Variants in POLR3F observed in about 807,000 individuals in gnomAD.
POLR3F encodes the protein RNA polymerase III subunit F, also known as DNA-directed RNA polymerase III subunit RPC6.
POLR3F carries 31 observed loss-of-function variants against 43.6 expected under a neutral mutation model. The observed-to-expected ratio is 0.71, with a 90% confidence interval of 0.53 to 0.96. POLR3F has a LOEUF of 0.96. Among genes scored for constraint, POLR3F ranks in the 40% least tolerant of loss-of-function variants. The pLI, the probability that POLR3F is intolerant of heterozygous loss-of-function variation, is 0.00. For missense variants in POLR3F, 316 were observed against 391.7 expected, an observed-to-expected ratio of 0.81 and a Z score of 1.63; for synonymous variants, 114 against 132.5, an observed-to-expected ratio of 0.86 and a Z score of 0.96.
intron 4 of POLR3F, among the ~76,000 whole-genome samples, chr20:18,473,851 C>T (rs1175946702): frequency 6.6e-6 from 1 of 152,088 alleles, no homozygotes. Context: ...GCTGACACCT[C>T]TCGTTTTTGC....
At chr20:18,477,055 A>G (rs2059784025) in intron 5 of POLR3F, among the ~76,000 whole-genome samples, 1 of 151,594 alleles carries the variant, frequency 6.6e-6, no homozygotes, top group Non-Finnish European at 1.5e-5. Context: ...CCTGGGCAAC[A>G]AAAGCGAAAC....
chr20:18,471,192 G>A (rs188964152), intron 2 of POLR3F, among the ~76,000 whole-genome samples: 5 of 152,174 alleles, frequency 3.3e-5, no homozygotes, highest in African/African-American at 9.7e-5. Context: ...TACTTCAAAA[G>A]TTAGGTTTCA....
At chr20:18,469,959 T>C (rs2059739423) in intron 2 of POLR3F, among the ~76,000 whole-genome samples, 1 of 152,188 alleles carries the variant, frequency 6.6e-6, no homozygotes, top group Admixed American at 6.5e-5. Context: ...ATGAGTCCAG[T>C]TGAATGAAGA....
In POLR3F at chr20:18,482,663, T is replaced by C. The variant is rs182335706; in HGVS notation, c.874-818T>C. On this transcript the variant is annotated intron_variant, in intron 8 of 8. Coordinates refer to ENST00000377603, the MANE Select transcript of POLR3F (RefSeq NM_006466.4). ...CCAAATATTGTAAGTGCCAACTCTA[T>C]GCTCTAGGCACTAAGGATACAAGAG... is the stretch of plus-strand genomic sequence containing the variant. Among the ~76,000 whole-genome samples the C allele has an allele frequency of 1.2e-3, 182 of 152,312 alleles. 1 individual carries two copies. Among genetic ancestry groups the C allele is most frequent in the African/African-American group, 4.3e-3 (178 of 41,572 alleles).
intron 2 of POLR3F, chr20:18,469,443 T>G (rs2059736164): frequency 6.0e-6 from 1 of 166,522 alleles, no homozygotes; most frequent in Admixed American, 6.0e-5. Context: ...CACCATCAGC[T>G]CTCTGCTCTC....
chr20:18,473,439 A>G lies in POLR3F; in HGVS notation c.297A>G (p.Ile99Met). 1 of 1,489,840 alleles carries G rather than the reference A, an allele frequency of 6.7e-7. No individual in the cohort carries two copies. Among genetic ancestry groups the G allele is most frequent in the Non-Finnish European group, 9.4e-7 (1 of 1,067,604 alleles). 92.3% of individuals were successfully genotyped at this position (1,489,840 alleles called of 1,614,324 possible). ...DNQEKLVYQI[I>M]EDAGNKGIWS... ...AAGAAAAACTAGTATATCAAATCAT[A>G]GAGGATGCAGGAAATAAAGGTAAGC... Residue 99 changes from isoleucine to methionine, a missense_variant, in exon 4 of 9, where the codon ATA (isoleucine) becomes ATG (methionine). Coordinates refer to ENST00000377603, the MANE Select transcript of POLR3F (RefSeq NM_006466.4).
At chr20:18,482,566 T>G (rs1023889613) in intron 8 of POLR3F, among the ~76,000 whole-genome samples, 1 of 152,130 alleles carries the variant, frequency 6.6e-6, no homozygotes, top group Admixed American at 6.5e-5. Context: ...AGCTTAGAAG[T>G]AACCGGGATT....
chr20:18,470,387 TG>T (rs2059743103), intron 2 of POLR3F, among the ~76,000 whole-genome samples: 1 of 152,254 alleles, frequency 6.6e-6, no homozygotes, highest in South Asian at 2.1e-4. Context: ...TTTTAGGCTT[TG>T]TGAGCCATAT....
chr20:18,481,541 C>G, intron 7 of POLR3F, 78 bp from the exon 8 acceptor site: 1 of 993,822 alleles, frequency 1.0e-6, no homozygotes, highest in Admixed American at 1.8e-5. Context: ...GCCCAGCAAC[C>G]CTTTACTGTT....
chr20:18,478,442 T>G (rs1463984766), intron 5 of POLR3F, among the ~76,000 whole-genome samples: 1 of 151,328 alleles, frequency 6.6e-6, no homozygotes, highest in Non-Finnish European at 1.5e-5. Context: ...CTTGAACTCC[T>G]AGACTTAAAG....
At chr20:18,473,308 G>A (rs3762197) in intron 3 of POLR3F, 83 bp from the exon 4 acceptor site, 8,519 of 637,476 alleles carry the variant, frequency 0.013, 454 homozygotes, top group Admixed American at 0.11. Flanking sequence ...GACCTTGTCT[G>A]CTAATTTTGT....
rs1423382944 is a variant in POLR3F at position 18,481,825 on chromosome 20, C to G, written c.873+15C>G. On this transcript the variant is annotated intron_variant, in intron 8 of 8. Coordinates refer to ENST00000377603, the MANE Select transcript of POLR3F (RefSeq NM_006466.4). ...GACTCTGCCCGGTGAGTTAAAGTGG[C>G]TTCACTTTACACTTGACTGCCCACG... is the stretch of plus-strand genomic sequence containing the variant. 6.3e-7 allele frequency: 1 copy of G among 1,577,214 alleles called. No homozygotes were observed. Among genetic ancestry groups the G allele is most frequent in the South Asian group, 1.1e-5 (1 of 89,714 alleles).
chr20:18,478,376 C>T (rs2059791429), intron 5 of POLR3F, among the ~76,000 whole-genome samples: 1 of 152,046 alleles, frequency 6.6e-6, no homozygotes, highest in East Asian at 1.9e-4. Flanking sequence ...CCACCATGCT[C>T]AGCTAATTTT....
intron 5 of POLR3F, among the ~76,000 whole-genome samples, chr20:18,475,610 T>C (rs1268517361): frequency 6.6e-6 from 1 of 152,150 alleles, no homozygotes; most frequent in Non-Finnish European, 1.5e-5. Flanking sequence ...TACACGTGTG[T>C]TTTTCCTGCT....
At chr20:18,471,928 G>T (rs540136093) in intron 2 of POLR3F, among the ~76,000 whole-genome samples, 4 of 152,352 alleles carry the variant, frequency 2.6e-5, no homozygotes, top group African/African-American at 9.6e-5. Context: ...GTTGCAGTGA[G>T]CCGAGATTGT....
intron 2 of POLR3F, among the ~76,000 whole-genome samples, chr20:18,471,287 CT>C (rs1568577499): frequency 6.6e-6 from 1 of 152,128 alleles, no homozygotes; most frequent in African/African-American, 2.4e-5. Context: ...TTAGAAGGTT[CT>C]TCTTATTCTT....
chr20:18,479,520 T>TAC (rs980105890), intron 5 of POLR3F, among the ~76,000 whole-genome samples: 6 of 151,598 alleles, frequency 4.0e-5, no homozygotes, highest in Non-Finnish European at 4.4e-5. Flanking sequence ...AGTGCTAAAA[T>TAC]ACACACACAC....
At position 18,484,258 on chromosome 20, in the gene POLR3F, T is replaced by TAA; in HGVS notation, c.*702_*703dup. ...AATATTTTCACTGTTCCTTCTTTCTTAAAGTCTTATGTTTCACTCTTTAAC... is the reference window on the plus strand; with the variant it reads ...AATATTTTCACTGTTCCTTCTTTCTTAAAAAGTCTTATGTTTCACTCTTTAAC... On this transcript the variant is annotated 3_prime_UTR_variant, in exon 9 of 9. Transcript: ENST00000377603. 2.5e-6 allele frequency: 1 copy of TAA among 397,954 alleles called. No homozygotes were observed. Among genetic ancestry groups the TAA allele is most frequent in the Non-Finnish European group, 4.4e-6 (1 of 225,736 alleles). 24.7% of individuals were successfully genotyped at this position (397,954 alleles called of 1,614,324 possible).
At position 18,473,465 on chromosome 20, in the gene POLR3F, A is replaced by C. The variant is rs1162428456; in HGVS notation, c.316+7A>C. ...GAGGATGCAGGAAATAAAGGTAAGC[A>C]TGTGAAAGATGAAGCAGAAAAAAAC... On this transcript the variant is annotated splice_region_variant and intron_variant, in intron 4 of 8. Coordinates refer to ENST00000377603, the MANE Select transcript of POLR3F (RefSeq NM_006466.4). 1 of 1,380,732 alleles carries C rather than the reference A, an allele frequency of 7.2e-7. No homozygotes were observed. The highest frequency in any genetic ancestry group is 1.2e-5 in the South Asian group (1 of 85,922). 85.5% of individuals were successfully genotyped at this position (1,380,732 alleles called of 1,614,324 possible).
Sources: gnomAD v4.1 joint callset for allele counts (sites outside exome capture counted in the v4.1 genomes callset) on GRCh38, gnomAD v4.1.1 for gene constraint, MANE v1.5 for transcripts, NCBI Gene and HGNC (gene_info 2026-07-23, HGNC 2026-07-21) for gene names.